The following L3MBTL4 variants were observed in gnomAD, a reference collection of about 807,000 sequenced individuals.
The protein encoded by L3MBTL4 is lethal(3)malignant brain tumor-like protein 4.
Under a neutral mutation model 84.5 loss-of-function variants are expected in L3MBTL4, and 70 were observed. The ratio of observed to expected loss-of-function variants is 0.83; its 90% CI spans 0.68 to 1.01. The LOEUF (loss-of-function observed/expected upper bound fraction) is 1.01. Ranked by LOEUF, L3MBTL4 falls within the 50% of genes least tolerant of loss-of-function variation. The pLI, the probability that L3MBTL4 is intolerant of heterozygous loss-of-function variation, is 0.00. For missense variants in L3MBTL4, 715 were observed against 754.8 expected, an observed-to-expected ratio of 0.95 and a Z score of 0.62; for synonymous variants, 274 against 259.8, an observed-to-expected ratio of 1.05 and a Z score of -0.52.
At chr18:5,999,982 A>G (rs1440022691) in intron 16 of L3MBTL4, among the ~76,000 whole-genome samples, 2 of 152,198 alleles carry the variant, frequency 1.3e-5, no homozygotes, top group African/African-American at 2.4e-5. Flanking sequence ...GTGTCAGGCA[A>G]GAGAGAGAAA....
intron 1 of L3MBTL4, among the ~76,000 whole-genome samples, chr18:6,364,105 T>G (rs1476795128): frequency 6.6e-6 from 1 of 152,158 alleles, no homozygotes; most frequent in African/African-American, 2.4e-5. Flanking sequence ...CTTCTTATAC[T>G]TCAACCAACA....
In L3MBTL4 at chr18:5,976,475, G is replaced by A. The variant is rs146981898; in HGVS notation, c.1445-6913C>T. Reference sequence around the variant, plus strand: ...CACCCTGGGTGCAGGAAGAGGCTGGGTGGCTGGATCCAATTAACATGACTC... The same window carrying A: ...CACCCTGGGTGCAGGAAGAGGCTGGATGGCTGGATCCAATTAACATGACTC... On this transcript the variant is annotated intron_variant, in intron 16 of 18. Transcript: ENST00000317931. 8.7e-3 allele frequency among the ~76,000 whole-genome samples: 1,326 copies of A among 152,290 alleles called. 6 individuals are homozygous for A. Among genetic ancestry groups the A allele is most frequent in the Admixed American group, 0.013 (206 of 15,296 alleles).
At chr18:6,142,603 C>T (rs778332198) in intron 13 of L3MBTL4, among the ~76,000 whole-genome samples, 15 of 152,108 alleles carry the variant, frequency 9.9e-5, no homozygotes, top group Middle Eastern at 3.4e-3. Flanking sequence ...AACTTTTAAA[C>T]GAATCAGAGG....
Position 6,032,647 on chromosome 18 carries a change from A to T in L3MBTL4, c.1444+48234T>A, listed in dbSNP as rs573937319. Among the ~76,000 whole-genome samples the T allele has an allele frequency of 7.2e-5, 11 of 152,210 alleles. No individual in the cohort carries two copies. The East Asian group carries it at 1.7e-3, about 24-fold the overall frequency. Reference sequence around the variant, plus strand: ...CTAATGTTATGCAACCATCACTGCCATCCATCTCTAGAACTCTTCAACATG... The same window carrying T: ...CTAATGTTATGCAACCATCACTGCCTTCCATCTCTAGAACTCTTCAACATG... On this transcript the variant is annotated intron_variant, in intron 16 of 18. Transcript: ENST00000317931.
intron 4 of L3MBTL4, among the ~76,000 whole-genome samples, chr18:6,296,258 G>A (rs186174011): frequency 6.6e-6 from 1 of 152,204 alleles, no homozygotes; most frequent in African/African-American, 2.4e-5. Context: ...CTGATAATAA[G>A]TTAACCACTT....
Position 6,221,078 on chromosome 18 carries a change from AT to A in L3MBTL4, c.785-5244del, listed in dbSNP as rs1036231547. Among the ~76,000 whole-genome samples the A allele has an allele frequency of 3.9e-4, 59 of 151,628 alleles. 1 individual carries two copies. The highest frequency in any genetic ancestry group is 6.3e-4 in the African/African-American group (26 of 41,350). On this transcript the variant is annotated intron_variant, in intron 10 of 18. Transcript: ENST00000317931. Reference sequence around the variant, plus strand: ...TAAGAAGGTGTAATACTGGTTTCAGATTTTTTTTTAAAGGCACCCTCGATTA... The same window carrying A: ...TAAGAAGGTGTAATACTGGTTTCAGATTTTTTTTAAAGGCACCCTCGATTA...
At chr18:6,361,197 C>T (rs1360281255) in intron 1 of L3MBTL4, among the ~76,000 whole-genome samples, 1 of 152,044 alleles carries the variant, frequency 6.6e-6, no homozygotes. Flanking sequence ...GAGAGTCCCA[C>T]CCCCATTAAG....
chr18:6,257,422 G>C (rs1056762711), intron 5 of L3MBTL4, among the ~76,000 whole-genome samples: 1 of 151,848 alleles, frequency 6.6e-6, no homozygotes, highest in Non-Finnish European at 1.5e-5. Context: ...CTGACCCAAA[G>C]GTCAGGTTGC....
At chr18:6,138,128 T>C in intron 14 of L3MBTL4, 66 bp downstream of exon 14, 7 of 1,076,794 alleles carry the variant, frequency 6.5e-6, no homozygotes, top group South Asian at 4.2e-5. Context: ...TGATGCTCCA[T>C]GTAGCTGCTA....
chr18:6,134,176 C>G (rs1746176690), intron 14 of L3MBTL4, among the ~76,000 whole-genome samples: 1 of 152,090 alleles, frequency 6.6e-6, no homozygotes, highest in Non-Finnish European at 1.5e-5. Context: ...CATCAGATAT[C>G]GTGAGACTTG....
chr18:6,323,784 G>A (rs944945348), intron 1 of L3MBTL4, among the ~76,000 whole-genome samples: 8 of 152,218 alleles, frequency 5.3e-5, no homozygotes, highest in African/African-American at 1.7e-4. Flanking sequence ...CCATGTGGTA[G>A]AAAAGAAAAG....
At chr18:6,064,189 G>T (rs904162429) in intron 16 of L3MBTL4, among the ~76,000 whole-genome samples, 3 of 151,948 alleles carry the variant, frequency 2.0e-5, no homozygotes, top group African/African-American at 7.2e-5. Context: ...TTATTTCTGG[G>T]TTCTCTATTC....
At chr18:5,990,828 T>C (rs964614382) in intron 16 of L3MBTL4, among the ~76,000 whole-genome samples, 1 of 150,876 alleles carries the variant, frequency 6.6e-6, no homozygotes, top group Admixed American at 6.6e-5. Flanking sequence ...TCAGTCCCAG[T>C]ACTCACCAAT....
intron 12 of L3MBTL4, among the ~76,000 whole-genome samples, chr18:6,201,541 C>T (rs1196326328): frequency 2.0e-5 from 3 of 152,140 alleles, no homozygotes; most frequent in Non-Finnish European, 2.9e-5. Context: ...CAGAATGGCT[C>T]TCTGTGTTTC....
chr18:6,136,329 G>C (rs2060027872), intron 14 of L3MBTL4, among the ~76,000 whole-genome samples: 1 of 152,094 alleles, frequency 6.6e-6, no homozygotes, highest in Non-Finnish European at 1.5e-5. Context: ...AGGAGAATAG[G>C]GTCTGGAGGC....
At chr18:6,157,728 T>C (rs1391005857) in intron 13 of L3MBTL4, among the ~76,000 whole-genome samples, 2 of 152,210 alleles carry the variant, frequency 1.3e-5, no homozygotes, top group Non-Finnish European at 2.9e-5. Flanking sequence ...ACAAAGGATA[T>C]ATATATTTTA....
chr18:6,029,960 A>G (rs2145591087), intron 16 of L3MBTL4: 2 of 985,462 alleles, frequency 2.0e-6, no homozygotes, highest in African/African-American at 1.7e-5. Context: ...TACAGAAGAC[A>G]CTTTGAAGCC....
chr18:6,015,312 T>C (rs920054062), intron 16 of L3MBTL4, among the ~76,000 whole-genome samples: 3 of 151,692 alleles, frequency 2.0e-5, no homozygotes, highest in Non-Finnish European at 4.4e-5. Flanking sequence ...AAGGGGCGGT[T>C]ATGTGGGAGG....
At chr18:5,963,430 G>A (rs2052163942) in intron 17 of L3MBTL4, among the ~76,000 whole-genome samples, 1 of 152,222 alleles carries the variant, frequency 6.6e-6, no homozygotes, top group Non-Finnish European at 1.5e-5. Context: ...CGTCAACAGA[G>A]CAGACGCGGC....
Sources: gnomAD v4.1 joint callset for allele counts (sites outside exome capture counted in the v4.1 genomes callset) on GRCh38, gnomAD v4.1.1 for gene constraint, MANE v1.5 for transcripts, NCBI Gene and HGNC (gene_info 2026-07-23, HGNC 2026-07-21) for gene names.